Variants in FSTL4 observed in about 807,000 individuals in gnomAD.
FSTL4 encodes the protein follistatin like 4.
A neutral mutation model predicts 78.2 loss-of-function variants in FSTL4; 28 were observed. That is an observed-to-expected ratio of 0.36 (90% CI 0.27 to 0.49). The LOEUF is 0.49. FSTL4 is among the 20% of genes least tolerant of loss of function. The probability of loss-of-function intolerance (pLI) is 0.98; values close to 1 mark genes in which losing one functional copy is unlikely to be tolerated. For synonymous variants in FSTL4, 422 were observed against 440.5 expected, an observed-to-expected ratio of 0.96 and a Z score of 0.53; for missense variants, 922 against 1,084.9, an observed-to-expected ratio of 0.85 and a Z score of 2.11.
chr5:133,230,621 C>T (rs1386992463), intron 8 of FSTL4, among the ~76,000 whole-genome samples: 6 of 152,150 alleles, frequency 3.9e-5, no homozygotes, highest in Admixed American at 6.5e-5. Context: ...GGCCTCCAGC[C>T]CTTCAGCAGG....
intron 4 of FSTL4, among the ~76,000 whole-genome samples, chr5:133,374,070 G>A (rs1313872239): frequency 6.6e-5 from 10 of 152,162 alleles, no homozygotes; most frequent in Non-Finnish European, 1.2e-4. Context: ...CATTAATCTA[G>A]CTAGCCATGT....
chr5:133,542,572 G>C (rs1181043432), intron 3 of FSTL4, among the ~76,000 whole-genome samples: 1 of 152,122 alleles, frequency 6.6e-6, no homozygotes, highest in Non-Finnish European at 1.5e-5. Flanking sequence ...AAAATATCTG[G>C]ATCTGACATA....
intron 3 of FSTL4, among the ~76,000 whole-genome samples, chr5:133,437,325 G>A (rs145555342): frequency 1.1e-4 from 16 of 152,092 alleles, no homozygotes; most frequent in African/African-American, 3.9e-4. Flanking sequence ...CCGCACTTGG[G>A]CACTATTTCA....
chr5:133,456,903 T>C (rs1248178724), intron 3 of FSTL4, among the ~76,000 whole-genome samples: 1 of 152,202 alleles, frequency 6.6e-6, no homozygotes. Flanking sequence ...GTCTGCTTCC[T>C]ACCTCTGGTC....
chr5:133,693,979 C>T, the FSTL4 span, among the ~76,000 whole-genome samples: 1 of 152,228 alleles, frequency 6.6e-6, no homozygotes, highest in Non-Finnish European at 1.5e-5. Context: ...CTCCAGAAAC[C>T]TCCTCACAGA....
chr5:133,515,691 A>ATT (rs1254887249), intron 3 of FSTL4, among the ~76,000 whole-genome samples: 9 of 142,534 alleles, frequency 6.3e-5, no homozygotes, highest in African/African-American at 2.6e-4. Flanking sequence ...TTTTTTTTAA[A>ATT]AAAAAGCAAA....
chr5:133,763,550 G>A, the FSTL4 span, among the ~76,000 whole-genome samples: 2 of 152,288 alleles, frequency 1.3e-5, no homozygotes, highest in South Asian at 4.1e-4. Context: ...CTCCCTGTGA[G>A]CATCTGCTGG....
the FSTL4 span, among the ~76,000 whole-genome samples, chr5:133,828,402 A>G: frequency 2.0e-5 from 3 of 152,248 alleles, no homozygotes; most frequent in East Asian, 1.9e-4. Context: ...CTTTGTCTCT[A>G]TTTTCCAAAT....
chr5:133,470,436 G>T (rs1458713671), intron 3 of FSTL4, among the ~76,000 whole-genome samples: 1 of 152,172 alleles, frequency 6.6e-6, no homozygotes, highest in African/African-American at 2.4e-5. Flanking sequence ...AAGAAAGTGT[G>T]CTTGAAAATT....
At chr5:133,216,088 G>T (rs540715338) in intron 13 of FSTL4, among the ~76,000 whole-genome samples, 44 of 152,248 alleles carry the variant, frequency 2.9e-4, no homozygotes, top group African/African-American at 9.1e-4. Context: ...ATTGTAAATG[G>T]TATCACCCTT....
intron 3 of FSTL4, among the ~76,000 whole-genome samples, chr5:133,564,468 C>A (rs769347093): frequency 6.6e-6 from 1 of 152,152 alleles, no homozygotes; most frequent in Non-Finnish European, 1.5e-5. Flanking sequence ...AAAGGCAACA[C>A]CCACAAAGCA....
At chr5:133,651,450 T>G in the FSTL4 span, among the ~76,000 whole-genome samples, 2 of 152,104 alleles carry the variant, frequency 1.3e-5, no homozygotes, top group African/African-American at 4.8e-5. Context: ...TTATTATGAA[T>G]GGGTGTTGGA....
intron 4 of FSTL4, among the ~76,000 whole-genome samples, chr5:133,331,081 G>A (rs1264461086): frequency 6.6e-6 from 1 of 152,198 alleles, no homozygotes; most frequent in Non-Finnish European, 1.5e-5. Context: ...AGAGGAAGAG[G>A]CATCACCTCT....
chr5:133,567,083 A>C, intron 3 of FSTL4, 103 bp downstream of exon 3: 2 of 866,314 alleles, frequency 2.3e-6, no homozygotes, highest in Non-Finnish European at 3.9e-6. Context: ...ATGAAATTTC[A>C]AAGAATGAGC....
At chr5:133,216,708 A>G (rs1469975067) in intron 13 of FSTL4, among the ~76,000 whole-genome samples, 1 of 152,230 alleles carries the variant, frequency 6.6e-6, no homozygotes, top group South Asian at 2.1e-4. Flanking sequence ...GATTGGATCA[A>G]TCCCCTGATG....
Position 133,361,579 on chromosome 5 carries a change from C to T in FSTL4, c.409+39159G>A, listed in dbSNP as rs915391256. On this transcript the variant is annotated intron_variant, in intron 4 of 15. Coordinates refer to ENST00000265342, the MANE Select transcript of FSTL4 (RefSeq NM_015082.2). The surrounding 1 kb of genome is among the most constrained non-coding windows in gnomAD (Gnocchi z 4.3). ...TCTTCTGCTCTTGCTTCCAAATGTC[C>T]CTTTTTACCCCAAAAATTTCCCTAA... Among the ~76,000 whole-genome samples, 23 of 152,216 alleles carry T rather than the reference C, an allele frequency of 1.5e-4. No homozygotes were observed. Among genetic ancestry groups the T allele is most frequent in the Admixed American group, 1.2e-3 (18 of 15,296 alleles).
the FSTL4 span, among the ~76,000 whole-genome samples, chr5:133,726,782 A>C: frequency 3.9e-5 from 6 of 152,366 alleles, no homozygotes; most frequent in African/African-American, 1.2e-4. Context: ...AAAACCAATC[A>C]GACTTCAAAT....
At chr5:133,359,530 T>G (rs1755021732) in intron 4 of FSTL4, among the ~76,000 whole-genome samples, 2 of 152,194 alleles carry the variant, frequency 1.3e-5, no homozygotes. Context: ...GGCAGGGCAG[T>G]GATGGGGGGA....
intron 2 of FSTL4, chr5:133,574,710 G>A (rs1760237450): frequency 6.6e-6 from 1 of 152,106 alleles, no homozygotes; most frequent in Admixed American, 6.5e-5. Context: ...GATAAACTGT[G>A]GCATATCCAT....
Sources: gnomAD v4.1 joint callset for allele counts (sites outside exome capture counted in the v4.1 genomes callset) on GRCh38, gnomAD v4.1.1 for gene constraint, Gnocchi (gnomAD v3.1) non-coding constraint, MANE v1.5 for transcripts, NCBI Gene and HGNC (gene_info 2026-07-23, HGNC 2026-07-21) for gene names.